Variants in SEC14L6 observed in about 807,000 individuals in gnomAD.
SEC14L6 encodes the protein SEC14-like protein 6.
SEC14L6 carries 40 observed loss-of-function variants against 54.1 expected under a neutral mutation model. The ratio of observed to expected loss-of-function variants is 0.74; its 90% confidence interval spans 0.57 to 0.96. The LOEUF is 0.96. SEC14L6 is among the 40% of genes least tolerant of loss of function. SEC14L6 has a pLI of 0.00. For synonymous variants in SEC14L6, 171 were observed against 198.4 expected (o/e 0.86, Z 1.16); for missense variants, 471 against 498.3 (o/e 0.95, Z 0.52).
chr22:30,538,735 TG>T (rs766437182), intron 2 of SEC14L6, 91 bp downstream of exon 2: 3 of 825,922 alleles, frequency 3.6e-6, no homozygotes, highest in Non-Finnish European at 5.8e-6. Context: ...TAAATGGCTA[TG>T]TTTTGGAGTA....
chr22:30,526,346 G>A (rs1256375430), intron 8 of SEC14L6, among the ~76,000 whole-genome samples: 3 of 152,198 alleles, frequency 2.0e-5, no homozygotes, highest in African/African-American at 7.2e-5. Context: ...ACTGCCCTCA[G>A]CTCCCAGGGC....
chr22:30,524,767 G>T lies in SEC14L6; in HGVS notation c.*230C>A, dbSNP rs1158443090. The T allele has an allele frequency of 1.9e-5, 9 of 482,296 alleles. No individual in the cohort carries two copies. The highest frequency in any genetic ancestry group is 3.0e-5 in the Non-Finnish European group (8 of 265,914). The allele number at this position is 482,296 out of a possible 1,614,324, so 29.9% of individuals were successfully genotyped here. A position where few individuals can be genotyped will look rare whatever the true frequency, so the allele number is the denominator to read the frequency against. ...TTTGCTGAGCTTGAGGTCACAGCAG[G>T]TCATAGTGGGGATGGAGTGTCTGTG... On this transcript the variant is annotated 3_prime_UTR_variant, in exon 12 of 12. Coordinates refer to ENST00000402034, the MANE Select transcript of SEC14L6 (RefSeq NM_001193336.4).
chr22:30,532,068 G>C (rs1936996081), intron 5 of SEC14L6, 70 bp from the exon 6 acceptor site: 2 of 1,518,874 alleles, frequency 1.3e-6, no homozygotes, highest in Admixed American at 4.3e-5. Context: ...ATGGGGCTGG[G>C]CCTAAGCCCA....
chr22:30,525,174 A>G, intron 11 of SEC14L6, 65 bp from the exon 12 acceptor site: 1 of 1,268,996 alleles, frequency 7.9e-7, no homozygotes, highest in Non-Finnish European at 1.1e-6. Flanking sequence ...CATGGTGGTA[A>G]ATCTCTGCGT....
chr22:30,532,499 A>G (rs1307341859), intron 5 of SEC14L6, 26 bp downstream of exon 5: 3 of 1,532,028 alleles, frequency 2.0e-6, no homozygotes, highest in Non-Finnish European at 2.6e-6. Context: ...GTCCGGCTGC[A>G]GCTGCCCAGG....
intron 1 of SEC14L6, among the ~76,000 whole-genome samples, chr22:30,545,519 C>T (rs951976354): frequency 2.0e-5 from 3 of 152,122 alleles, no homozygotes; most frequent in African/African-American, 4.8e-5. Flanking sequence ...CTCAGCCTCC[C>T]GAGTAGCTGG....
chr22:30,523,687 G>C lies in SEC14L6; in HGVS notation c.*1310C>G, dbSNP rs1936677058. The C allele has an allele frequency of 6.6e-6, 1 of 152,144 alleles. No individual in the cohort carries two copies. Among genetic ancestry groups the C allele is most frequent in the Admixed American group, 6.6e-5 (1 of 15,262 alleles). 9.4% of individuals were successfully genotyped at this position (152,144 alleles called of 1,614,324 possible). A position where few individuals can be genotyped will look rare whatever the true frequency, so the allele number is the denominator to read the frequency against. On this transcript the variant is annotated 3_prime_UTR_variant, in exon 12 of 12. Coordinates refer to ENST00000402034, the MANE Select transcript of SEC14L6 (RefSeq NM_001193336.4). ...TGAAATCTTAATCAGGAGATTGGAT[G>C]AAGATCCAGAGCTCAAGCAGATTCT...
chr22:30,545,734 TTA>T lies in SEC14L6; in HGVS notation c.54+893_54+894del, dbSNP rs2085792163. On this transcript the variant is annotated intron_variant, in intron 1 of 11. Transcript: ENST00000402034. ...AGCTACTGCACCAGACCAGTTGTTT[TTA>T]TATTGATTAGATTATATATTGAAGT... Among the ~76,000 whole-genome samples, 6 of 152,248 alleles carry T rather than the reference TTA, an allele frequency of 3.9e-5. No homozygotes were observed. The South Asian group carries it at 1.2e-3, about 31-fold the overall frequency.
intron 1 of SEC14L6, chr22:30,543,474 T>C (rs1202085735): frequency 6.2e-7 from 1 of 1,612,210 alleles, no homozygotes; most frequent in African/African-American, 1.3e-5. Flanking sequence ...CCTCAACTCT[T>C]ACAGAGAACA....
Position 30,529,076 on chromosome 22 carries a change from G to A in SEC14L6, c.664+11C>T, listed in dbSNP as rs772955626. 3.3e-5 allele frequency: 51 copies of A among 1,547,260 alleles called. No homozygotes were observed. The highest frequency in any genetic ancestry group is 1.4e-5 in the African/African-American group (1 of 72,884). ...CCAGGCTGGAAAAGAGGCCGCAGAG[G>A]GCTCACTCACCTCCGAGAATCACCA... On this transcript the variant is annotated intron_variant, in intron 8 of 11. Transcript: ENST00000402034.
chr22:30,528,422 C>CTTTTTTTTTT (rs375073961), intron 8 of SEC14L6, among the ~76,000 whole-genome samples: 49 of 105,518 alleles, frequency 4.6e-4, no homozygotes, highest in Middle Eastern at 6.8e-3. Flanking sequence ...CGCTCGGCCT[C>CTTTTTTTTTT]TTTTTTTTTT....
At chr22:30,540,021 T>C (rs1486351983) in intron 1 of SEC14L6, among the ~76,000 whole-genome samples, 2 of 152,232 alleles carry the variant, frequency 1.3e-5, no homozygotes, top group Admixed American at 1.3e-4. Context: ...TGGCCTTGCC[T>C]GAGTCACTCC....
chr22:30,532,470 C>T (rs1253816147), intron 5 of SEC14L6, 55 bp downstream of exon 5: 3 of 1,483,032 alleles, frequency 2.0e-6, no homozygotes, highest in South Asian at 1.3e-5. Context: ...GTGTGAGGCT[C>T]AGGGGGTGAG....
At chr22:30,535,971 C>G (rs1243644848) in intron 2 of SEC14L6, among the ~76,000 whole-genome samples, 1 of 144,350 alleles carries the variant, frequency 6.9e-6, no homozygotes, top group Non-Finnish European at 1.5e-5. Flanking sequence ...TCAAGTCATT[C>G]TCCCACAGCC....
chr22:30,538,789 G>A, intron 2 of SEC14L6, 38 bp downstream of exon 2: 1 of 1,388,696 alleles, frequency 7.2e-7, no homozygotes, highest in South Asian at 1.2e-5. Flanking sequence ...CCTCTTTCAT[G>A]CCATTGACCC....
At chr22:30,529,064 G>A in intron 8 of SEC14L6, 23 bp downstream of exon 8, 2 of 1,538,002 alleles carry the variant, frequency 1.3e-6, no homozygotes, top group Non-Finnish European at 1.8e-6. Flanking sequence ...GGCTGGAAAA[G>A]AGGCCGCAGA....
At chr22:30,543,968 C>T in intron 1 of SEC14L6, 1 of 1,605,364 alleles carries the variant, frequency 6.2e-7, no homozygotes. Flanking sequence ...TCGGAGGACA[C>T]CCTCACCTAT....
intron 1 of SEC14L6, among the ~76,000 whole-genome samples, chr22:30,539,731 C>A (rs1417754190): frequency 6.6e-6 from 1 of 152,176 alleles, no homozygotes; most frequent in African/African-American, 2.4e-5. Flanking sequence ...GAGCTGTGTA[C>A]CTGATAGGTT....
At chr22:30,543,113 T>C in intron 1 of SEC14L6, 7 of 1,603,490 alleles carry the variant, frequency 4.4e-6, no homozygotes, top group Non-Finnish European at 6.0e-6. Context: ...GACATCAGCC[T>C]GAAATGGTTC....
Sources: allele counts gnomAD v4.1 joint callset (sites outside exome capture counted in the v4.1 genomes callset), GRCh38; gene constraint gnomAD v4.1.1; transcripts MANE v1.5; gene names NCBI Gene and HGNC (gene_info 2026-07-23, HGNC 2026-07-21).